The following ASXL2 variants were observed in gnomAD, a reference collection of about 807,000 sequenced individuals.
The protein encoded by ASXL2 is ASXL transcriptional regulator 2, also known as putative Polycomb group protein ASXL2.
ASXL2 carries 23 observed loss-of-function variants against 122.0 expected under a neutral mutation model. The observed-to-expected ratio is 0.19, with a 90% CI of 0.14 to 0.27. ASXL2 has a LOEUF of 0.27. ASXL2 is among the 10% of genes least tolerant of loss of function. The pLI is 1.00. For missense variants in ASXL2, 1,518 were observed against 1,713.8 expected (o/e 0.89, Z 2.02); for synonymous variants, 650 against 637.0 (o/e 1.02, Z -0.31).
chr2:25,842,389 G>A (rs966332816), intron 2 of ASXL2, among the ~76,000 whole-genome samples: 2 of 152,076 alleles, frequency 1.3e-5, no homozygotes, highest in African/African-American at 4.8e-5. Flanking sequence ...TAAACCAGAA[G>A]CTATCTGATG....
In ASXL2 at chr2:25,743,426, G is replaced by C. The variant is rs907801837; in HGVS notation, c.2911C>G (p.Pro971Ala). The change falls in exon 13 of 13, where the codon CCT becomes GCT. Residue 971 changes from proline (P) to alanine (A), a missense_variant. This residue lies in a region of ASXL2 where 831 missense variants were observed against 833.1 expected (regional missense o/e 1.00). Transcript: ENST00000435504. Reference protein sequence around the residue: ...DVPMEQILPKPLTKVEMKTVP... With the variant: ...DVPMEQILPKALTKVEMKTVP... ...GTTTTCATTTCAACTTTGGTGAGAG[G>C]TTTAGGCAGAATTTGCTCCATGGGA... The C allele has an allele frequency of 8.1e-6, 13 of 1,613,732 alleles. No individual in the cohort carries two copies. The highest frequency in any genetic ancestry group is 1.1e-5 in the Non-Finnish European group (13 of 1,179,892).
intron 1 of ASXL2, among the ~76,000 whole-genome samples, chr2:25,866,779 C>A (rs1352326414): frequency 3.3e-5 from 5 of 152,190 alleles, no homozygotes; most frequent in Non-Finnish European, 7.3e-5. Flanking sequence ...GTTGCCCAGG[C>A]TGGAGTGCAC....
At chr2:25,873,041 G>A (rs13425705) in intron 1 of ASXL2, among the ~76,000 whole-genome samples, 1 of 152,038 alleles carries the variant, frequency 6.6e-6, no homozygotes, top group East Asian at 1.9e-4. Flanking sequence ...CCCATCACCC[G>A]AGCGGTGTAC....
rs377317571 is a variant in ASXL2 at position 25,799,525 on chromosome 2, G to A, written c.263C>T (p.Pro88Leu). The A allele has an allele frequency of 6.2e-6, 10 of 1,610,666 alleles. No homozygotes were observed. The highest frequency in any genetic ancestry group is 7.6e-6 in the Non-Finnish European group (9 of 1,178,678). ...TTCTGACAGCTCTTTCACCCCATCCGGCACATCTTTCTGAAAATGTAGGCA... is the reference window on the plus strand; with the variant it reads ...TTCTGACAGCTCTTTCACCCCATCCAGCACATCTTTCTGAAAATGTAGGCA... ...MGVYTLKKDVPDGVKELSEGS... is the reference protein window; with the variant it reads ...MGVYTLKKDVLDGVKELSEGS... Residue 88 changes from proline to leucine, a missense_variant, in exon 5 of 13, where the codon CCG becomes CTG. Physicochemically the swap from Pro to Leu is moderately conservative, Grantham distance 98 (BLOSUM62 -3). This residue lies in a region of ASXL2 where 198 missense variants were observed against 209.0 expected (regional missense o/e 0.95). Transcript: ENST00000435504.
intron 11 of ASXL2, among the ~76,000 whole-genome samples, chr2:25,751,038 C>T (rs1282239656): frequency 3.9e-5 from 6 of 152,144 alleles, no homozygotes; most frequent in Admixed American, 6.5e-5. Flanking sequence ...ATTCTGAGAT[C>T]GAGTGTCTCT....
chr2:25,771,524 C>T lies in ASXL2; in HGVS notation c.420G>A (p.Pro140=), dbSNP rs145820534. 105 of 1,611,790 alleles carry T rather than the reference C, an allele frequency of 6.5e-5. No homozygotes were observed. In the African/African-American group the frequency reaches 9.0e-4, roughly 14 times the overall value. ...TGGTGGGTGATGGGCAGCCTGACTG[C>T]GGGGAGGACGACGATACTAGGGAAA... ...RWKRKVSSSS[P]QSGCPSPTIP... is the part of the protein sequence containing the mutation. The change falls in exon 6 of 13, where the codon CCG becomes CCA. Residue 140 remains proline (P), a synonymous_variant. Transcript: ENST00000435504.
intron 4 of ASXL2, among the ~76,000 whole-genome samples, chr2:25,805,024 T>C (rs1158144971): frequency 6.6e-6 from 1 of 152,076 alleles, no homozygotes; most frequent in Non-Finnish European, 1.5e-5. Context: ...CACTCCAGCC[T>C]GGGCAACAGA....
Position 25,878,363 on chromosome 2 carries a change from G to C in ASXL2, c.-141C>G. 2.7e-6 allele frequency: 2 copies of C among 753,728 alleles called. No individual in the cohort carries two copies. Among genetic ancestry groups the C allele is most frequent in the Non-Finnish European group, 4.3e-6 (2 of 469,586 alleles). The allele number at this position is 753,728 out of a possible 1,614,324, so 46.7% of individuals were successfully genotyped here. On this transcript the variant is annotated 5_prime_UTR_variant, in exon 1 of 13. Coordinates refer to ENST00000435504, the MANE Select transcript of ASXL2 (RefSeq NM_018263.6). ...GTCAGACCGGGGGGGCACCCAAGCA[G>C]AGGAAGCGGCGGGGGTGGTGCGCGG...
At chr2:25,856,537 T>C (rs1006212675) in intron 1 of ASXL2, 14 of 1,124,942 alleles carry the variant, frequency 1.2e-5, no homozygotes, top group Non-Finnish European at 1.6e-5. Flanking sequence ...AATCCTCAAA[T>C]GAGTTGGTTG....
At chr2:25,807,423 T>C (rs952482969) in intron 3 of ASXL2, among the ~76,000 whole-genome samples, 15 of 152,280 alleles carry the variant, frequency 9.9e-5, no homozygotes, top group Admixed American at 2.6e-4. Context: ...CCCCAAAACA[T>C]TGGTGAATAA....
In ASXL2 at chr2:25,744,009, G is replaced by A. The variant is rs752292423; in HGVS notation, c.2328C>T (p.Thr776=). ...HSVSGAQLQQ[T]PPVPPTPAVS... ...CGGCAGGTGTTGGAGGCACTGGGGG[G>A]GTTTGCTGTAGTTGTGCTCCAGAGA... The change falls in exon 13 of 13, where the codon ACC becomes ACT. Residue 776 remains threonine (T), a synonymous_variant. Transcript: ENST00000435504. The surrounding 1 kb of genome is among the most constrained non-coding windows in gnomAD (Gnocchi z 4.7). The A allele has an allele frequency of 1.8e-5, 29 of 1,613,884 alleles. No individual in the cohort carries two copies. Among genetic ancestry groups the A allele is most frequent in the South Asian group, 5.5e-5 (5 of 91,084 alleles).
At chr2:25,816,544 C>T (rs2089237502) in intron 3 of ASXL2, among the ~76,000 whole-genome samples, 1 of 152,144 alleles carries the variant, frequency 6.6e-6, no homozygotes, top group Admixed American at 6.5e-5. Flanking sequence ...CAGATTCCAG[C>T]AGAAGGAGAG....
intron 1 of ASXL2, among the ~76,000 whole-genome samples, chr2:25,866,273 G>T (rs1481331533): frequency 3.3e-5 from 5 of 152,108 alleles, no homozygotes; most frequent in Admixed American, 2.6e-4. Flanking sequence ...TGGGACTACG[G>T]GTGCATGCCA....
At chr2:25,784,936 C>T (rs1245491807) in intron 5 of ASXL2, among the ~76,000 whole-genome samples, 1 of 152,200 alleles carries the variant, frequency 6.6e-6, no homozygotes, top group African/African-American at 2.4e-5. Context: ...TTTTATTTAG[C>T]CTATTTTCCA....
At chr2:25,798,721 G>A (rs953441657) in intron 5 of ASXL2, among the ~76,000 whole-genome samples, 4 of 152,092 alleles carry the variant, frequency 2.6e-5, no homozygotes, top group South Asian at 2.1e-4. Flanking sequence ...CTGAGATCAC[G>A]CCATTGCACT....
chr2:25,859,290 A>C (rs1478996789), intron 1 of ASXL2, among the ~76,000 whole-genome samples: 1 of 152,148 alleles, frequency 6.6e-6, no homozygotes, highest in Non-Finnish European at 1.5e-5. Flanking sequence ...ATATATATTT[A>C]ATTACTTATA....
At chr2:25,768,631 T>A (rs1298964983) in intron 7 of ASXL2, 111 bp downstream of exon 7, 1 of 1,198,038 alleles carries the variant, frequency 8.3e-7, no homozygotes, top group Non-Finnish European at 1.2e-6. Flanking sequence ...ACAAGGATTG[T>A]GTAAGTAAAT....
chr2:25,812,373 T>A (rs2089181352), intron 3 of ASXL2, among the ~76,000 whole-genome samples: 1 of 151,930 alleles, frequency 6.6e-6, no homozygotes, highest in Admixed American at 6.6e-5. Flanking sequence ...GGCAGGAGAA[T>A]CTCTTGAAAC....
intron 12 of ASXL2, among the ~76,000 whole-genome samples, chr2:25,746,251 T>C (rs1310864341): frequency 6.6e-6 from 1 of 152,184 alleles, no homozygotes; most frequent in East Asian, 1.9e-4. Context: ...AAAAGGTCAG[T>C]AGTCCTCAAA....
Sources: allele counts gnomAD v4.1 joint callset (sites outside exome capture counted in the v4.1 genomes callset), GRCh38; gene constraint gnomAD v4.1.1; regional missense constraint gnomAD v4.1.1; non-coding constraint Gnocchi (gnomAD v3.1); transcripts MANE v1.5; gene names NCBI Gene and HGNC (gene_info 2026-07-23, HGNC 2026-07-21).